GPR158: variants seen among roughly 807,000 people sequenced by gnomAD.
GPR158 encodes the protein G protein-coupled receptor 158, also known as metabotropic glycine receptor.
GPR158 carries 30 observed loss-of-function variants against 78.2 expected under a neutral mutation model. That is an observed-to-expected ratio of 0.38 (90% CI 0.29 to 0.52). GPR158 has a LOEUF of 0.52. Ranked by LOEUF, GPR158 falls within the 20% of genes least tolerant of loss-of-function variation. GPR158 has a pLI of 0.83. For missense variants in GPR158, 1,463 were observed against 1,523.5 expected, an observed-to-expected ratio of 0.96 and a Z score of 0.66; for synonymous variants, 581 against 591.1, an observed-to-expected ratio of 0.98 and a Z score of 0.25.
chr10:25,561,824 G>C (rs371140813), intron 6 of GPR158, among the ~76,000 whole-genome samples: 1 of 152,038 alleles, frequency 6.6e-6, no homozygotes, highest in Admixed American at 6.6e-5. Context: ...ACAGATCTAC[G>C]ATTACACAAT....
At chr10:25,587,256 A>C (rs1479365052) in intron 7 of GPR158, among the ~76,000 whole-genome samples, 1 of 152,198 alleles carries the variant, frequency 6.6e-6, no homozygotes, top group Non-Finnish European at 1.5e-5. Flanking sequence ...GATATGACAA[A>C]TGTAACCTTT....
At chr10:25,318,497 C>T (rs1194870032) in intron 2 of GPR158, among the ~76,000 whole-genome samples, 4 of 152,122 alleles carry the variant, frequency 2.6e-5, no homozygotes, top group African/African-American at 4.8e-5. Context: ...TTCTTTCTTC[C>T]GTACAGTTTT....
intron 5 of GPR158, among the ~76,000 whole-genome samples, chr10:25,514,977 T>TAATTTATTTAAATTTATATA (rs1460002002): frequency 6.6e-6 from 1 of 152,174 alleles, no homozygotes; most frequent in African/African-American, 2.4e-5. Context: ...TTAAATAACC[T>TAATTTATTTAAATTTATATA]AATGACTATG....
At chr10:25,446,806 A>T (rs61312607) in intron 4 of GPR158, among the ~76,000 whole-genome samples, 2,629 of 152,340 alleles carry the variant, frequency 0.017, 78 homozygotes, top group African/African-American at 0.059. Context: ...AATGTTTAAC[A>T]GCAAATGATA....
At chr10:25,488,086 C>T (rs1204881129) in intron 5 of GPR158, among the ~76,000 whole-genome samples, 1 of 152,100 alleles carries the variant, frequency 6.6e-6, no homozygotes, top group Non-Finnish European at 1.5e-5. Flanking sequence ...TTCTTTCTTT[C>T]TCCCATAAGA....
At chr10:25,511,841 G>GT (rs1237889535) in intron 5 of GPR158, among the ~76,000 whole-genome samples, 1 of 151,366 alleles carries the variant, frequency 6.6e-6, no homozygotes, top group Non-Finnish European at 1.5e-5. Flanking sequence ...TCAGTTGGCT[G>GT]TAAGTATTTG....
chr10:25,290,787 T>C (rs1197626256), intron 2 of GPR158, among the ~76,000 whole-genome samples: 2 of 152,130 alleles, frequency 1.3e-5, no homozygotes, highest in African/African-American at 4.8e-5. Flanking sequence ...TTATTTCAGT[T>C]CTTTTAGATA....
chr10:25,425,665 C>T (rs1416990084), intron 4 of GPR158, among the ~76,000 whole-genome samples: 2 of 152,020 alleles, frequency 1.3e-5, no homozygotes, highest in Non-Finnish European at 2.9e-5. Context: ...AAGACTAATA[C>T]CCAGAATCTA....
chr10:25,243,847 A>G (rs1853656543), intron 2 of GPR158, among the ~76,000 whole-genome samples: 1 of 152,220 alleles, frequency 6.6e-6, no homozygotes, highest in South Asian at 2.1e-4. Flanking sequence ...CAGTAAGATT[A>G]GGCTACTAGA....
chr10:25,348,562 G>A (rs74123864), intron 2 of GPR158, among the ~76,000 whole-genome samples: 12,583 of 151,922 alleles, frequency 0.083, 1,359 homozygotes, highest in African/African-American at 0.25. Context: ...AGGATGGGGA[G>A]GGGTAATACT....
At chr10:25,304,095 CAAAA>C (rs3053990) in intron 2 of GPR158, among the ~76,000 whole-genome samples, 56,916 of 151,532 alleles carry the variant, frequency 0.38, 13,112 homozygotes, top group Non-Finnish European at 0.53. Flanking sequence ...AAGTTTTCCT[CAAAA>C]GAAAGGGTAT....
intron 2 of GPR158, among the ~76,000 whole-genome samples, chr10:25,222,698 T>C (rs1853316296): frequency 6.6e-6 from 1 of 152,170 alleles, no homozygotes. Flanking sequence ...AATATTGTTC[T>C]GTTAGGAGCA....
At chr10:25,254,534 C>T (rs1853866935) in intron 2 of GPR158, among the ~76,000 whole-genome samples, 1 of 151,924 alleles carries the variant, frequency 6.6e-6, no homozygotes. Context: ...TTCTAAAAGG[C>T]TCATAAATAA....
chr10:25,479,283 G>T (rs754294959), intron 5 of GPR158, among the ~76,000 whole-genome samples: 3 of 152,018 alleles, frequency 2.0e-5, no homozygotes, highest in Admixed American at 6.6e-5. Flanking sequence ...ACTTTAGATA[G>T]TATCACTTGA....
chr10:25,202,316 CATAT>C (rs34880761), intron 1 of GPR158, among the ~76,000 whole-genome samples: 7 of 151,252 alleles, frequency 4.6e-5, no homozygotes, highest in African/African-American at 1.2e-4. Flanking sequence ...GTTTGTTACA[CATAT>C]ATATATATGT....
intron 5 of GPR158, among the ~76,000 whole-genome samples, chr10:25,505,894 G>A (rs1588890778): frequency 2.0e-5 from 3 of 152,066 alleles, no homozygotes; most frequent in African/African-American, 7.2e-5. Flanking sequence ...TTTCCTCCCT[G>A]TGCATGTCCT....
Position 25,426,299 on chromosome 10 carries a change from C to T in GPR158, c.1335+13826C>T, listed in dbSNP as rs78400612. Among the ~76,000 whole-genome samples, 1,288 of 152,240 alleles carry T rather than the reference C, an allele frequency of 8.5e-3. 12 individuals carry two copies. The highest frequency in any genetic ancestry group is 0.029 in the African/African-American group (1,202 of 41,544). On this transcript the variant is annotated intron_variant, in intron 4 of 10. Transcript: ENST00000376351. ...CAATAAGGCTATTTTGCTTTCTTAA[C>T]ATTCGTATGTTCACTGGAGTAGCAC...
chr10:25,577,458 T>C (rs6482497), intron 7 of GPR158, among the ~76,000 whole-genome samples: 44,618 of 152,148 alleles, frequency 0.29, 7,132 homozygotes, highest in Non-Finnish European at 0.36. Context: ...TGGTTAAATA[T>C]GTTAGTACAT....
At chr10:25,358,835 T>C (rs1855588858) in intron 2 of GPR158, among the ~76,000 whole-genome samples, 1 of 152,144 alleles carries the variant, frequency 6.6e-6, no homozygotes, top group Non-Finnish European at 1.5e-5. Flanking sequence ...TATACTTACA[T>C]AACTTTAATT....
Sources: allele counts gnomAD v4.1 joint callset (sites outside exome capture counted in the v4.1 genomes callset), GRCh38; gene constraint gnomAD v4.1.1; transcripts MANE v1.5; gene names NCBI Gene and HGNC (gene_info 2026-07-23, HGNC 2026-07-21).